PCDH20: variants seen among roughly 807,000 people sequenced by gnomAD.
PCDH20 encodes the protein protocadherin-20.
Under a neutral mutation model 39.7 loss-of-function variants are expected in PCDH20, and 18 were observed. That is an observed-to-expected ratio of 0.45 (90% CI 0.31 to 0.67). The LOEUF (loss-of-function observed/expected upper bound fraction) is 0.67, where lower values mean the gene tolerates loss of function less well. PCDH20 is among the 30% of genes least tolerant of loss of function. The pLI is 0.05. For synonymous variants in PCDH20, 495 were observed against 455.4 expected, an observed-to-expected ratio of 1.09 and a Z score of -1.11; for missense variants, 1,161 against 1,167.4, an observed-to-expected ratio of 0.99 and a Z score of 0.08.
At chr13:61,412,905 G>A in exon 2 of PCDH20, 1 of 1,614,126 alleles carries the variant, frequency 6.2e-7, no homozygotes, top group Non-Finnish European at 8.5e-7. Context: ...CATTAGCAAG[G>A]ATGGTGAGCT....
At chr13:61,412,540 A>G in exon 2 of PCDH20, 1 of 1,613,766 alleles carries the variant, frequency 6.2e-7, no homozygotes, top group South Asian at 1.1e-5. Context: ...CACTTTAATG[A>G]CCCTTTTGAC....
At chr13:61,411,967 C>G in exon 2 of PCDH20, 2 of 1,614,100 alleles carry the variant, frequency 1.2e-6, no homozygotes, top group Non-Finnish European at 1.7e-6. Flanking sequence ...AGCTTCAACC[C>G]ACAAAGTATA....
At chr13:61,413,393 C>T in exon 2 of PCDH20, 1 of 1,614,056 alleles carries the variant, frequency 6.2e-7, no homozygotes, top group Non-Finnish European at 8.5e-7. Flanking sequence ...ACATCTGGGT[C>T]CACAGCAGGA....
chr13:61,411,335 C>G (rs779094004), exon 2 of PCDH20: 9 of 1,614,082 alleles, frequency 5.6e-6, no homozygotes, highest in Non-Finnish European at 7.6e-6. Flanking sequence ...TTTTCATCTT[C>G]CCTGGGATGC....
chr13:61,414,164 T>A (rs890308518), intron 1 of PCDH20, among the ~76,000 whole-genome samples, 198 bp from the exon 2 acceptor site: 8 of 152,066 alleles, frequency 5.3e-5, no homozygotes, highest in Non-Finnish European at 1.2e-4. Context: ...AACTTAATTT[T>A]GCTGTTCACT....
At chr13:61,411,753 G>A in exon 2 of PCDH20, 1 of 1,614,188 alleles carries the variant, frequency 6.2e-7, no homozygotes, top group Non-Finnish European at 8.5e-7. Flanking sequence ...CTATGATGCT[G>A]TAAGCTATGA....
chr13:61,411,519 T>C lies in PCDH20; in HGVS notation c.2580A>G (p.Glu860=), dbSNP rs764314215. The change falls in exon 2 of 2, where the codon GAA becomes GAG. Residue 860 remains glutamate (E), a synonymous_variant. Transcript: ENST00000409204. Reference sequence around the variant, plus strand: ...CTTTCTCCTCTATATTAATCTCTGGTTCTTTTCTTAAAAGACTCTCAATGT... The same window carrying C: ...CTTTCTCCTCTATATTAATCTCTGGCTCTTTTCTTAAAAGACTCTCAATGT... 6 of 1,614,238 alleles carry C rather than the reference T, an allele frequency of 3.7e-6. No individual in the cohort carries two copies. The East Asian group carries it at 8.9e-5, about 24-fold the overall frequency.
At chr13:61,415,102 C>G in exon 1 of PCDH20, 1 of 1,557,806 alleles carries the variant, frequency 6.4e-7, no homozygotes, top group Non-Finnish European at 8.7e-7. Context: ...GCCAGGTCGC[C>G]GGGCACCAGC....
exon 2 of PCDH20, chr13:61,412,790 C>G (rs1225934596): frequency 6.2e-7 from 1 of 1,613,994 alleles, no homozygotes; most frequent in Admixed American, 1.7e-5. Context: ...TAAACCACAC[C>G]ATCTATCTCG....
exon 2 of PCDH20, chr13:61,412,651 T>C: frequency 6.2e-7 from 1 of 1,614,120 alleles, no homozygotes; most frequent in Non-Finnish European, 8.5e-7. Flanking sequence ...TTCATTATTG[T>C]ATGGTTTGTA....
chr13:61,415,199 C>T (rs1459157627), exon 1 of PCDH20: 2 of 1,337,312 alleles, frequency 1.5e-6, no homozygotes, highest in South Asian at 1.8e-5. Context: ...GAAGGGAGGG[C>T]GGCAGAAGAC....
exon 2 of PCDH20, chr13:61,412,232 C>A (rs770029803): frequency 6.2e-7 from 1 of 1,614,118 alleles, no homozygotes; most frequent in South Asian, 1.1e-5. Flanking sequence ...GCCACAGTGG[C>A]TACTGATTCT....
chr13:61,414,886 C>T, intron 1 of PCDH20, 141 bp downstream of exon 1: 1 of 1,065,778 alleles, frequency 9.4e-7, no homozygotes, highest in Non-Finnish European at 1.2e-6. Flanking sequence ...CACATTATCC[C>T]AAACTCCCTT....
chr13:61,414,914 C>G lies in PCDH20; in HGVS notation c.132+113G>C, dbSNP rs1871505688. ...ACTCCCTTTCCCTCCCGGCGCCATCCTTCCCGTGAAGTTTAGATAAAGGTA... is the reference window on the plus strand; with the variant it reads ...ACTCCCTTTCCCTCCCGGCGCCATCGTTCCCGTGAAGTTTAGATAAAGGTA... On this transcript the variant is annotated intron_variant, in intron 1 of 1. Coordinates refer to ENST00000409204, the Ensembl canonical transcript of PCDH20. 6 of 1,232,826 alleles carry G rather than the reference C, an allele frequency of 4.9e-6. No homozygotes were observed. The South Asian group carries it at 1.5e-4, about 31-fold the overall frequency. 76.4% of individuals were successfully genotyped at this position (1,232,826 alleles called of 1,614,324 possible). A position where few individuals can be genotyped will look rare whatever the true frequency, so the allele number is the denominator to read the frequency against.
At chr13:61,411,101 A>G in exon 2 of PCDH20, 1 of 716,086 alleles carries the variant, frequency 1.4e-6, no homozygotes, top group Non-Finnish European at 2.3e-6. Flanking sequence ...AAATTTAAAA[A>G]CCTGTAAACA....
chr13:61,411,316 A>G lies in PCDH20; in HGVS notation c.2783T>C (p.Val928Ala), dbSNP rs1275943561. 1.9e-6 allele frequency: 3 copies of G among 1,613,868 alleles called. No homozygotes were observed. The African/African-American group carries it at 4.0e-5, about 22-fold the overall frequency. Residue 928 changes from valine (V) to alanine (A), a missense_variant, in exon 2 of 2, where the codon GTA becomes GCA. Coordinates refer to ENST00000409204, the Ensembl canonical transcript of PCDH20. ...AATTTTTCCTTTCAGTGGAATCTGT[A>G]CTTCCAAATTTTCATCTTCCCTGGG...
chr13:61,411,273 C>T, exon 2 of PCDH20: 4 of 1,613,530 alleles, frequency 2.5e-6, no homozygotes, highest in South Asian at 1.1e-5. Flanking sequence ...TTGGCTTTCT[C>T]TCTCGCATAT....
exon 2 of PCDH20, chr13:61,411,224 G>A: frequency 1.3e-6 from 2 of 1,583,052 alleles, no homozygotes; most frequent in South Asian, 2.3e-5. Flanking sequence ...ATTTCTCTGT[G>A]TTATTCCACC....
exon 1 of PCDH20, chr13:61,415,133 C>T: frequency 6.7e-7 from 1 of 1,497,556 alleles, no homozygotes; most frequent in Non-Finnish European, 9.0e-7. Flanking sequence ...GGCCTGTGAG[C>T]TGCGCGCATT....
Sources: allele counts gnomAD v4.1 joint callset (sites outside exome capture counted in the v4.1 genomes callset), GRCh38; gene constraint gnomAD v4.1.1; transcripts MANE v1.5; gene names NCBI Gene and HGNC (gene_info 2026-07-23, HGNC 2026-07-21).